The following HFM1 variants were observed in gnomAD, a reference collection of about 807,000 sequenced individuals.
HFM1 encodes the protein probable ATP-dependent DNA helicase HFM1.
Under a neutral mutation model 192.1 loss-of-function variants are expected in HFM1, and 169 were observed. The ratio of observed to expected loss-of-function variants is 0.88; its 90% CI spans 0.78 to 1.00. The LOEUF (loss-of-function observed/expected upper bound fraction) is 1.00, where lower values mean the gene tolerates loss of function less well. HFM1 is among the 50% of genes least tolerant of loss of function. HFM1 has a pLI of 0.00. For missense variants in HFM1, 1,661 were observed against 1,668.0 expected (o/e 1.00, Z 0.07); for synonymous variants, 525 against 537.8 (o/e 0.98, Z 0.33).
At chr1:91,328,276 G>T in intron 20 of HFM1, 1 of 838,188 alleles carries the variant, frequency 1.2e-6, no homozygotes, top group Non-Finnish European at 1.8e-6. Context: ...CTAAGCTGAG[G>T]GGGGAAAGTG....
intron 11 of HFM1, 86 bp downstream of exon 11, chr1:91,377,939 A>C: frequency 7.9e-7 from 1 of 1,258,558 alleles, no homozygotes; most frequent in South Asian, 1.3e-5. Context: ...AAAGGACAAA[A>C]AAATTCACTT....
chr1:91,367,743 A>G (rs1659569323), intron 13 of HFM1, among the ~76,000 whole-genome samples: 1 of 152,222 alleles, frequency 6.6e-6, no homozygotes, highest in African/African-American at 2.4e-5. Context: ...AATGGAACAC[A>G]GCTGGACGGA....
rs1391556385 is a variant in HFM1, at chr1:91,277,926, AAT to A, written c.3392-866_3392-865del. 1.1e-3 allele frequency among the ~76,000 whole-genome samples: 66 copies of A among 58,710 alleles called. No homozygotes were observed. The South Asian group carries it at 0.014, about 13-fold the overall frequency. The allele number at this position is 58,710 out of a possible 152,430, so 38.5% of individuals were successfully genotyped here. ...ATATATAATATATACACTAATATAT[AAT>A]ATATATACTTTATATATTATATTTT... On this transcript the variant is annotated intron_variant, in intron 30 of 38. Coordinates refer to ENST00000370425, the MANE Select transcript of HFM1 (RefSeq NM_001017975.6).
At position 91,319,119 on chromosome 1, in the gene HFM1, C is replaced by A; in HGVS notation, c.2771G>T (p.Trp924Leu). ...ILAKCFRCKLWENSLHVSKQL... is the reference protein window; with the variant it reads ...ILAKCFRCKLLENSLHVSKQL... ...TTTGGATACATGCAGAGAGTTTTCC[C>A]AAAGTTTACACCTAAAACATTTAGC... Residue 924 changes from tryptophan (W) to leucine (L), a missense_variant, in exon 25 of 39, where the codon TGG (tryptophan) becomes TTG (leucine). By Grantham distance (61) the Trp-to-Leu change is moderately conservative. Coordinates refer to ENST00000370425, the MANE Select transcript of HFM1 (RefSeq NM_001017975.6). 6.2e-7 allele frequency: 1 copy of A among 1,609,708 alleles called. No homozygotes were observed. The highest frequency in any genetic ancestry group is 1.1e-5 in the South Asian group (1 of 89,732).
rs1655681315 is a variant in HFM1 at position 91,343,504 on chromosome 1, C to A, written c.2261G>T (p.Cys754Phe). 7.6e-7 allele frequency: 1 copy of A among 1,315,888 alleles called. No individual in the cohort carries two copies. The highest frequency in any genetic ancestry group is 1.1e-6 in the Non-Finnish European group (1 of 947,164). 81.5% of individuals were successfully genotyped at this position (1,315,888 alleles called of 1,614,324 possible). Residue 754 changes from cysteine (C) to phenylalanine (F), a missense_variant, in exon 20 of 39, where the codon TGT becomes TTT. Coordinates refer to ENST00000370425, the MANE Select transcript of HFM1 (RefSeq NM_001017975.6). Reference protein sequence around the residue: ...DGIEAKLQELCLKNLNDLSSL... With the variant: ...DGIEAKLQELFLKNLNDLSSL... ...TGATAAATCATTCAGATTCTTCAAA[C>A]ATAATTCTGTTTAATTATAGAAAAC...
chr1:91,312,696 T>TG (rs1247420953), intron 30 of HFM1, among the ~76,000 whole-genome samples: 1 of 152,122 alleles, frequency 6.6e-6, no homozygotes, highest in Non-Finnish European at 1.5e-5. Context: ...GTTAAGGCTT[T>TG]GGGGGACTGT....
At chr1:91,331,119 C>T (rs952526025) in intron 20 of HFM1, among the ~76,000 whole-genome samples, 12 of 152,118 alleles carry the variant, frequency 7.9e-5, no homozygotes, top group Non-Finnish European at 1.3e-4. Context: ...TATTGGAAGT[C>T]CTAGCTAGAG....
intron 4 of HFM1, among the ~76,000 whole-genome samples, chr1:91,389,617 T>C (rs1318634718): frequency 6.6e-6 from 1 of 151,994 alleles, no homozygotes; most frequent in Non-Finnish European, 1.5e-5. Flanking sequence ...AACCCAACAA[T>C]GCTGGCACTC....
chr1:91,269,442 C>T (rs1004205718), intron 34 of HFM1, among the ~76,000 whole-genome samples: 16 of 152,080 alleles, frequency 1.1e-4, no homozygotes, highest in Non-Finnish European at 2.2e-4. Flanking sequence ...TTAGTATAAA[C>T]TTGCTCCAGC....
intron 30 of HFM1, among the ~76,000 whole-genome samples, chr1:91,311,678 A>C (rs1650480365): frequency 6.6e-6 from 1 of 152,148 alleles, no homozygotes; most frequent in Admixed American, 6.5e-5. Context: ...AATAGAAAAG[A>C]AAAACCCATT....
chr1:91,351,534 T>C lies in HFM1; in HGVS notation c.2072+15A>G, dbSNP rs572096998. On this transcript the variant is annotated intron_variant, in intron 17 of 38. Coordinates refer to ENST00000370425, the MANE Select transcript of HFM1 (RefSeq NM_001017975.6). ...ATTAGCATTAGTATCTTTTTGGAACTTTTTTTTATACTACCTGCTTTCTAC... is the reference window on the plus strand; with the variant it reads ...ATTAGCATTAGTATCTTTTTGGAACCTTTTTTTATACTACCTGCTTTCTAC... The C allele has an allele frequency of 8.9e-6, 12 of 1,342,720 alleles. 1 individual carries two copies. Among genetic ancestry groups the C allele is most frequent in the East Asian group, 5.0e-5 (2 of 39,944 alleles). 83.2% of individuals were successfully genotyped at this position (1,342,720 alleles called of 1,614,324 possible).
At chr1:91,358,233 G>A (rs764615324) in intron 13 of HFM1, among the ~76,000 whole-genome samples, 10 of 151,990 alleles carry the variant, frequency 6.6e-5, no homozygotes, top group East Asian at 1.9e-4. Flanking sequence ...GCAGTGAGCC[G>A]AGATCGCGCC....
intron 1 of HFM1, among the ~76,000 whole-genome samples, chr1:91,404,339 G>T (rs572133943): frequency 2.0e-5 from 3 of 152,196 alleles, no homozygotes; most frequent in African/African-American, 4.8e-5. Context: ...CACAAGAACG[G>T]GGCGCTGGGG....
intron 30 of HFM1, among the ~76,000 whole-genome samples, chr1:91,285,578 T>A (rs1667886853): frequency 6.6e-6 from 1 of 152,124 alleles, no homozygotes; most frequent in Non-Finnish European, 1.5e-5. Flanking sequence ...TTTAGAGGTA[T>A]AATTGTGTAT....
chr1:91,299,913 A>T (rs1648403959), intron 30 of HFM1, among the ~76,000 whole-genome samples: 1 of 152,336 alleles, frequency 6.6e-6, no homozygotes, highest in South Asian at 2.1e-4. Flanking sequence ...AAGCTAGCAG[A>T]AGTCAAGAAA....
intron 4 of HFM1, 32 bp from the exon 5 acceptor site, chr1:91,385,866 TCACG>T: frequency 2.6e-6 from 4 of 1,563,966 alleles, no homozygotes; most frequent in Non-Finnish European, 3.5e-6. Context: ...ACATATTTTC[TCACG>T]TGTAACACTT....
At chr1:91,407,814 C>T (rs1431582008), upstream of HFM1, among the ~76,000 whole-genome samples, 1 of 152,182 alleles carries the variant, frequency 6.6e-6, no homozygotes, top group Non-Finnish European at 1.5e-5. Flanking sequence ...AATGCTATTA[C>T]AGCCAATGCC....
chr1:91,282,855 A>T (rs1438459725), intron 30 of HFM1, among the ~76,000 whole-genome samples: 1 of 152,172 alleles, frequency 6.6e-6, no homozygotes, highest in Non-Finnish European at 1.5e-5. Flanking sequence ...AAGAACTTCT[A>T]AAAAAGATGC....
intron 1 of HFM1, among the ~76,000 whole-genome samples, chr1:91,401,458 G>A (rs1231872240): frequency 6.6e-6 from 1 of 152,134 alleles, no homozygotes; most frequent in African/African-American, 2.4e-5. Context: ...CTTCCTCAAG[G>A]CAGAATTAAT....
Sources: gnomAD v4.1 joint callset for allele counts (sites outside exome capture counted in the v4.1 genomes callset) on GRCh38, gnomAD v4.1.1 for gene constraint, MANE v1.5 for transcripts, NCBI Gene and HGNC (gene_info 2026-07-23, HGNC 2026-07-21) for gene names.